FIG4: variants seen among roughly 807,000 people sequenced by gnomAD.
The protein encoded by FIG4 is polyphosphoinositide phosphatase.
FIG4 carries 112 observed loss-of-function variants against 118.6 expected under a neutral mutation model. The ratio of observed to expected loss-of-function variants is 0.94; its 90% CI spans 0.81 to 1.11. The LOEUF (loss-of-function observed/expected upper bound fraction) is 1.11. Ranked by LOEUF, FIG4 falls within the 50% of genes least tolerant of loss-of-function variation. The probability of loss-of-function intolerance (pLI) is 0.00; values close to 1 mark genes in which losing one functional copy is unlikely to be tolerated. For missense variants in FIG4, 969 were observed against 1,111.7 expected, an observed-to-expected ratio of 0.87 and a Z score of 1.83; for synonymous variants, 369 against 381.2, an observed-to-expected ratio of 0.97 and a Z score of 0.37.
Position 109,757,794 on chromosome 6 carries a change from T to G in FIG4, c.1138-2456T>G, listed in dbSNP as rs553348916. Among the ~76,000 whole-genome samples the G allele has an allele frequency of 2.8e-3, 428 of 152,206 alleles. 1 individual carries two copies. The highest frequency in any genetic ancestry group is 9.9e-3 in the African/African-American group (409 of 41,516). The stretch of plus-strand genomic sequence containing the variant: ...AGGATACAAAATCAATGTGCAAAAA[T>G]CACAAGCATTCCTATACACCAATAA... On this transcript the variant is annotated intron_variant, in intron 10 of 22. Transcript: ENST00000230124.
chr6:109,691,305 T>A lies in FIG4; in HGVS notation c.-131T>A. 1 of 759,554 alleles carries A rather than the reference T, an allele frequency of 1.3e-6. No individual in the cohort carries two copies. Among genetic ancestry groups the A allele is most frequent in the South Asian group, 1.5e-5 (1 of 67,878 alleles). The allele number at this position is 759,554 out of a possible 1,614,324, so 47.1% of individuals were successfully genotyped here. A position where few individuals can be genotyped will look rare whatever the true frequency, so the allele number is the denominator to read the frequency against. ...GGATCCGGAAACACCTGATCATCTATAGGTTTAGTGCCTAATGGGTGTTGT... is the reference window on the plus strand; with the variant it reads ...GGATCCGGAAACACCTGATCATCTAAAGGTTTAGTGCCTAATGGGTGTTGT... On this transcript the variant is annotated 5_prime_UTR_variant, in exon 1 of 23. Transcript: ENST00000230124.
chr6:109,753,644 G>A (rs1201315972), intron 10 of FIG4, among the ~76,000 whole-genome samples: 1 of 152,080 alleles, frequency 6.6e-6, no homozygotes, highest in Non-Finnish European at 1.5e-5. Flanking sequence ...AGTCCTCCTT[G>A]AAGAGGTCCT....
At chr6:109,692,843 G>C (rs1774556442) in intron 1 of FIG4, among the ~76,000 whole-genome samples, 1 of 152,068 alleles carries the variant, frequency 6.6e-6, no homozygotes, top group South Asian at 2.1e-4. Flanking sequence ...TAGGATTACA[G>C]GAATGTGACA....
intron 10 of FIG4, among the ~76,000 whole-genome samples, chr6:109,752,129 A>T (rs1389139076): frequency 5.3e-5 from 8 of 150,950 alleles, no homozygotes; most frequent in Admixed American, 5.3e-4. Flanking sequence ...GAGAATGATG[A>T]TTTCCAATTT....
intron 18 of FIG4, 23 bp from the exon 19 acceptor site, chr6:109,789,571 A>G (rs1205076645): frequency 3.9e-6 from 6 of 1,550,456 alleles, no homozygotes; most frequent in Admixed American, 1.7e-5. Flanking sequence ...TTCATATGTA[A>G]TTGTGTTTTC....
chr6:109,786,305 T>C lies in FIG4; in HGVS notation c.1952T>C (p.Ile651Thr), dbSNP rs2128396248. Residue 651 changes from isoleucine (I) to threonine (T), a missense_variant, in exon 18 of 23, where the codon ATC becomes ACC. Ile to Thr is a moderately conservative substitution (Grantham distance 89). Transcript: ENST00000230124. ...KHLPLPYDEV[I>T]CAVNLKKLIV... Reference sequence around the variant, plus strand: ...TAACATGCAGTATCTCTCTTAGTTATCTGTGCTGTGAACTTAAAGAAGTTG... The same window carrying C: ...TAACATGCAGTATCTCTCTTAGTTACCTGTGCTGTGAACTTAAAGAAGTTG... The C allele has an allele frequency of 6.2e-7, 1 of 1,611,768 alleles. No individual in the cohort carries two copies. The highest frequency in any genetic ancestry group is 1.3e-5 in the African/African-American group (1 of 74,904).
At chr6:109,759,928 A>T (rs1777049298) in intron 10 of FIG4, among the ~76,000 whole-genome samples, 1 of 152,056 alleles carries the variant, frequency 6.6e-6, no homozygotes, top group Non-Finnish European at 1.5e-5. Context: ...CTTGGGAGGG[A>T]TCTCCTCTGT....
intron 1 of FIG4, among the ~76,000 whole-genome samples, chr6:109,707,119 T>G (rs1422696593): frequency 6.6e-6 from 1 of 152,140 alleles, no homozygotes; most frequent in East Asian, 1.9e-4. Flanking sequence ...TTATAACTCA[T>G]AGTGTCATCT....
intron 17 of FIG4, 27 bp from the exon 18 acceptor site, chr6:109,786,275 T>C (rs1468700149): frequency 3.8e-6 from 6 of 1,598,066 alleles, no homozygotes; most frequent in South Asian, 1.1e-5. Flanking sequence ...CTCAGACTTT[T>C]AGAGTAACAT....
At chr6:109,815,061 A>G (rs1413427558) in intron 22 of FIG4, among the ~76,000 whole-genome samples, 1 of 152,076 alleles carries the variant, frequency 6.6e-6, no homozygotes, top group Non-Finnish European at 1.5e-5. Context: ...TATATATTTA[A>G]ATCCATAAGT....
At chr6:109,767,454 G>T (rs561732640) in intron 15 of FIG4, among the ~76,000 whole-genome samples, 13 of 152,316 alleles carry the variant, frequency 8.5e-5, no homozygotes, top group African/African-American at 3.1e-4. Context: ...CAAAGTGATT[G>T]TGAGACAAAC....
chr6:109,818,451 C>T (rs1367476304), intron 22 of FIG4, among the ~76,000 whole-genome samples: 3 of 152,154 alleles, frequency 2.0e-5, no homozygotes, highest in South Asian at 2.1e-4. Context: ...CTGCCTGCCT[C>T]GGTCTCCCAA....
At chr6:109,814,332 G>C (rs575376013) in intron 22 of FIG4, among the ~76,000 whole-genome samples, 46 of 152,040 alleles carry the variant, frequency 3.0e-4, no homozygotes, top group Non-Finnish European at 2.4e-4. Flanking sequence ...GTAGAGATGG[G>C]AGTCTCACTA....
intron 3 of FIG4, among the ~76,000 whole-genome samples, chr6:109,719,866 T>C (rs1775553630): frequency 6.6e-6 from 1 of 152,232 alleles, no homozygotes; most frequent in South Asian, 2.1e-4. Flanking sequence ...GCCTCATTTT[T>C]AATCTATTGA....
At chr6:109,750,384 C>T (rs1776652179) in intron 10 of FIG4, among the ~76,000 whole-genome samples, 1 of 152,146 alleles carries the variant, frequency 6.6e-6, no homozygotes, top group Non-Finnish European at 1.5e-5. Context: ...GCCTATAATC[C>T]CAGTGACCTG....
intron 10 of FIG4, among the ~76,000 whole-genome samples, chr6:109,744,530 T>C (rs1776423496): frequency 1.3e-5 from 2 of 151,978 alleles, no homozygotes; most frequent in African/African-American, 4.8e-5. Flanking sequence ...AACAATCTAG[T>C]AGTGTCTGAG....
At chr6:109,742,967 T>C in intron 8 of FIG4, 143 bp from the exon 9 acceptor site, 1 of 716,828 alleles carries the variant, frequency 1.4e-6, no homozygotes, top group Non-Finnish European at 2.3e-6. Flanking sequence ...TATTGAATAT[T>C]GATCAATATT....
chr6:109,694,405 C>T (rs1277645847), intron 1 of FIG4, among the ~76,000 whole-genome samples: 1 of 152,138 alleles, frequency 6.6e-6, no homozygotes, highest in Admixed American at 6.5e-5. Flanking sequence ...TGAAATAAGG[C>T]CCTTCTCTCT....
At chr6:109,824,992 C>T in intron 22 of FIG4, 96 bp from the exon 23 acceptor site, 1 of 1,158,214 alleles carries the variant, frequency 8.6e-7, no homozygotes, top group African/African-American at 1.5e-5. Flanking sequence ...CCTGCTTATT[C>T]AATGCCAGCG....
Sources: allele counts gnomAD v4.1 joint callset (sites outside exome capture counted in the v4.1 genomes callset), GRCh38; gene constraint gnomAD v4.1.1; transcripts MANE v1.5; gene names NCBI Gene and HGNC (gene_info 2026-07-23, HGNC 2026-07-21).